UBXN8: variants seen among roughly 807,000 people sequenced by gnomAD.
UBXN8 encodes UBX domain-containing protein 8.
A neutral mutation model predicts 32.1 loss-of-function variants in UBXN8; 27 were observed. The observed-to-expected ratio is 0.84, with a 90% CI of 0.62 to 1.16. The LOEUF is 1.16. Ranked by LOEUF, UBXN8 falls within the 50% of genes most tolerant of loss-of-function variation. The probability of loss-of-function intolerance (pLI) is 0.00; values close to 1 mark genes in which losing one functional copy is unlikely to be tolerated. For synonymous variants in UBXN8, 109 were observed against 111.8 expected (o/e 0.98, Z 0.16); for missense variants, 306 against 311.4 (o/e 0.98, Z 0.13).
chr8:30,749,786 T>C (rs1240857444), intron 1 of UBXN8, among the ~76,000 whole-genome samples: 1 of 151,966 alleles, frequency 6.6e-6, no homozygotes, highest in African/African-American at 2.4e-5. Flanking sequence ...TTTGTATTTT[T>C]ATTAGAGACA....
upstream of UBXN8, among the ~76,000 whole-genome samples, chr8:30,739,360 C>T (rs367887819): frequency 0.022 from 3,169 of 141,804 alleles, 162 homozygotes; most frequent in African/African-American, 0.075. Flanking sequence ...CTGGCTAACA[C>T]GGTGAAACCC....
At chr8:30,750,646 A>ATG (rs1805495637) in intron 1 of UBXN8, among the ~76,000 whole-genome samples, 2 of 151,276 alleles carry the variant, frequency 1.3e-5, no homozygotes, top group African/African-American at 4.9e-5. Context: ...GGTGGCAGGC[A>ATG]CCTGTAGTCC....
At chr8:30,738,400 C>G (rs1805112844) in intron 1 of UBXN8, among the ~76,000 whole-genome samples, 2 of 152,038 alleles carry the variant, frequency 1.3e-5, no homozygotes, top group African/African-American at 2.4e-5. Context: ...GTGGCTCACG[C>G]CTGTAATCCC....
chr8:30,745,113 A>AG (rs1805329959), intron 1 of UBXN8, among the ~76,000 whole-genome samples: 1 of 152,228 alleles, frequency 6.6e-6, no homozygotes, highest in Admixed American at 6.5e-5. Context: ...TGCTTTGGAC[A>AG]GAAGCTATGG....
chr8:30,765,113 A>G (rs1805963981), intron 7 of UBXN8, among the ~76,000 whole-genome samples: 3 of 152,136 alleles, frequency 2.0e-5, no homozygotes, highest in South Asian at 4.2e-4. Flanking sequence ...AGGTCTCACT[A>G]TGCTGACCAG....
At chr8:30,734,425 C>T (rs1228111502) in intron 1 of UBXN8, 1 of 151,952 alleles carries the variant, frequency 6.6e-6, no homozygotes, top group Non-Finnish European at 1.5e-5. Flanking sequence ...CGAGACCAAC[C>T]TGAGCAACAT....
chr8:30,746,374 T>C (rs1470117815), intron 1 of UBXN8, among the ~76,000 whole-genome samples: 2 of 152,164 alleles, frequency 1.3e-5, no homozygotes, highest in African/African-American at 4.8e-5. Context: ...TTAAGTCTGT[T>C]TTATACATCA....
intron 7 of UBXN8, among the ~76,000 whole-genome samples, chr8:30,765,487 T>G (rs1283289130): frequency 6.6e-6 from 1 of 151,658 alleles, no homozygotes; most frequent in East Asian, 1.9e-4. Flanking sequence ...TTACCCAGGC[T>G]GGTCTCAAAT....
Position 30,763,276 on chromosome 8 carries a change from GTT to G in UBXN8, c.575_576del (p.Val192AspfsTer27). On this transcript the variant is annotated frameshift_variant, in exon 7 of 8. Transcript: ENST00000265616. LOFTEE classifies it high-confidence loss of function. ...EEPSQTAEEV[V>X]TVALRCPSGN... ...TATGTGAATATTTCTTCCTTAGGTA[GTT>G]ACTGTTGCTCTCCGATGTCCCAGTG... is the stretch of plus-strand genomic sequence containing the variant. 1 of 1,613,840 alleles carries G rather than the reference GTT, an allele frequency of 6.2e-7. No individual in the cohort carries two copies. The highest frequency in any genetic ancestry group is 1.1e-5 in the South Asian group (1 of 91,084).
At chr8:30,754,604 A>G (rs1805596418) in intron 3 of UBXN8, 61 bp from the exon 4 acceptor site, 1 of 1,502,546 alleles carries the variant, frequency 6.7e-7, no homozygotes, top group Non-Finnish European at 8.8e-7. Context: ...CTTTATAGAC[A>G]GTGTACATTT....
intron 1 of UBXN8, chr8:30,744,518 CAGTG>C: frequency 1.8e-6 from 1 of 550,408 alleles, no homozygotes; most frequent in Non-Finnish European, 3.2e-6. Context: ...CAATCATAGA[CAGTG>C]CTTTCGCATC....
intron 1 of UBXN8, among the ~76,000 whole-genome samples, chr8:30,749,919 T>G (rs1805474726): frequency 6.6e-6 from 1 of 152,116 alleles, no homozygotes; most frequent in Non-Finnish European, 1.5e-5. Flanking sequence ...GATGATATTT[T>G]CAGTTTTATT....
At chr8:30,753,457 A>G (rs1055203896) in intron 3 of UBXN8, among the ~76,000 whole-genome samples, 3 of 152,020 alleles carry the variant, frequency 2.0e-5, no homozygotes, top group South Asian at 2.1e-4. Flanking sequence ...TTGTTTTGCT[A>G]TGTTGACCAG....
chr8:30,737,279 T>C (rs1436133308), intron 1 of UBXN8, among the ~76,000 whole-genome samples: 1 of 152,162 alleles, frequency 6.6e-6, no homozygotes, highest in Non-Finnish European at 1.5e-5. Flanking sequence ...AGGCAGTCTG[T>C]TGGGAAATCA....
chr8:30,730,214 A>G (rs963513663), upstream of UBXN8, among the ~76,000 whole-genome samples: 2 of 151,762 alleles, frequency 1.3e-5, no homozygotes, highest in African/African-American at 2.4e-5. Context: ...CGGGGATACA[A>G]ATGCCCTTGA....
Position 30,766,300 on chromosome 8 carries a change from G to C in UBXN8, c.719G>C (p.Arg240Pro), listed in dbSNP as rs374213210. 13 of 1,613,722 alleles carry C rather than the reference G, an allele frequency of 8.1e-6. No homozygotes were observed. The Admixed American group carries it at 1.3e-4, about 17-fold the overall frequency. Residue 240 changes from arginine to proline, a missense_variant, in exon 8 of 8, where the codon CGG becomes CCG. Transcript: ENST00000265616. ...LYSLSTSFPR[R>P]PLAVEGGQSL... ...AGCCTTTCTACTTCCTTTCCCAGACGGCCTCTGGCAGTGGAGGGAGGCCAG... is the reference window on the plus strand; with the variant it reads ...AGCCTTTCTACTTCCTTTCCCAGACCGCCTCTGGCAGTGGAGGGAGGCCAG...
chr8:30,747,355 C>A (rs555583428), intron 1 of UBXN8, among the ~76,000 whole-genome samples: 1 of 111,824 alleles, frequency 8.9e-6, no homozygotes, highest in African/African-American at 3.5e-5. Flanking sequence ...CTGTTGCCCA[C>A]GCAGGAGTGC....
At position 30,746,854 on chromosome 8, in the gene UBXN8, C is replaced by T. The variant is rs887258021; in HGVS notation, c.88+2577C>T. 2.2e-5 allele frequency among the ~76,000 whole-genome samples: 3 copies of T among 139,516 alleles called. 1 individual carries two copies. The highest frequency in any genetic ancestry group is 3.1e-5 in the Non-Finnish European group (2 of 64,890). The allele number at this position is 139,516 out of a possible 152,430, so 91.5% of individuals were successfully genotyped here. On this transcript the variant is annotated intron_variant, in intron 1 of 7. Transcript: ENST00000265616. ...TAAATATTTTAAGGCCAGTTCCTCA[C>T]GTTGAAGTACACTGCTTATGGGGTC... is the stretch of plus-strand genomic sequence containing the variant.
chr8:30,749,437 C>A (rs543720847), intron 1 of UBXN8, among the ~76,000 whole-genome samples: 2 of 149,970 alleles, frequency 1.3e-5, no homozygotes, highest in East Asian at 3.9e-4. Flanking sequence ...AGACCAAATA[C>A]TATATTTTTA....
Sources: allele counts gnomAD v4.1 joint callset (sites outside exome capture counted in the v4.1 genomes callset), GRCh38; gene constraint gnomAD v4.1.1; transcripts MANE v1.5; gene names NCBI Gene and HGNC (gene_info 2026-07-23, HGNC 2026-07-21).